The following PDK1 variants were observed in gnomAD, a reference collection of about 807,000 sequenced individuals.
PDK1 encodes [Pyruvate dehydrogenase (acetyl-transferring)] kinase isozyme 1, mitochondrial.
PDK1 carries 39 observed loss-of-function variants against 54.2 expected under a neutral mutation model. The ratio of observed to expected loss-of-function variants is 0.72; its 90% CI spans 0.56 to 0.94. PDK1 has a LOEUF of 0.94. PDK1 is among the 40% of genes least tolerant of loss of function. The probability of loss-of-function intolerance (pLI) is 0.00; values close to 1 mark genes in which losing one functional copy is unlikely to be tolerated. For synonymous variants in PDK1, 221 were observed against 207.1 expected (o/e 1.07, Z -0.58); for missense variants, 552 against 566.0 (o/e 0.98, Z 0.25).
At chr2:172,695,802 A>C in the PDK1 span, among the ~76,000 whole-genome samples, 1 of 152,162 alleles carries the variant, frequency 6.6e-6, no homozygotes, top group Non-Finnish European at 1.5e-5. Flanking sequence ...GTTGCTGAAG[A>C]TGTCCTCCAG....
the PDK1 span, among the ~76,000 whole-genome samples, chr2:172,655,513 G>GT: frequency 6.6e-6 from 1 of 152,048 alleles, no homozygotes; most frequent in Admixed American, 6.5e-5. Flanking sequence ...TTCTTTTCAC[G>GT]TAAGAAGGTG....
chr2:172,591,302 G>T (rs530723041), intron 9 of PDK1, among the ~76,000 whole-genome samples: 56 of 152,306 alleles, frequency 3.7e-4, no homozygotes, highest in African/African-American at 1.3e-3. Context: ...GAAAGGTGTT[G>T]TCTGATTTCG....
chr2:172,559,136 A>T (rs28653613), intron 2 of PDK1, among the ~76,000 whole-genome samples: 1,541 of 152,174 alleles, frequency 0.01, 36 homozygotes, highest in African/African-American at 0.035. Flanking sequence ...TTTAGTAGAG[A>T]CAGGGTTTCA....
At chr2:172,571,823 CTTTTTTTTTTTTTT>C (rs36031428) in intron 8 of PDK1, among the ~76,000 whole-genome samples, 2 of 99,784 alleles carry the variant, frequency 2.0e-5, no homozygotes, top group Non-Finnish European at 4.1e-5. Context: ...TCTTTCTTTA[CTTTTTTTTTTTTTT>C]TTTTTTTTTT....
chr2:172,644,775 A>G, the PDK1 span, among the ~76,000 whole-genome samples: 1 of 152,228 alleles, frequency 6.6e-6, no homozygotes, highest in African/African-American at 2.4e-5. Flanking sequence ...GAATTTTAAT[A>G]ACTTTTCATC....
intron 8 of PDK1, among the ~76,000 whole-genome samples, chr2:172,579,225 G>C (rs866976797): frequency 6.6e-6 from 1 of 152,072 alleles, no homozygotes; most frequent in Non-Finnish European, 1.5e-5. Flanking sequence ...AATTGTTTTT[G>C]ACAGATGTTT....
At position 172,583,584 on chromosome 2, in the gene PDK1, C is replaced by T. The variant is rs142176193; in HGVS notation, c.946-2694C>T. On this transcript the variant is annotated intron_variant, in intron 8 of 10. Transcript: ENST00000282077. ...CTGGGTTTATAGGTGTAAGCCACCA[C>T]ACCCAGCCACAAGTTCCTAATAAAG... 1.3e-3 allele frequency among the ~76,000 whole-genome samples: 193 copies of T among 152,132 alleles called. 1 individual carries two copies. Among genetic ancestry groups the T allele is most frequent in the African/African-American group, 4.4e-3 (181 of 41,518 alleles).
the PDK1 span, among the ~76,000 whole-genome samples, chr2:172,628,761 C>T: frequency 2.0e-5 from 3 of 152,138 alleles, no homozygotes; most frequent in South Asian, 4.1e-4. Context: ...CCATAGTATA[C>T]CTCCATCAGA....
chr2:172,555,848 G>A (rs1037333458), upstream of PDK1: 2 of 277,054 alleles, frequency 7.2e-6, no homozygotes, highest in African/African-American at 2.2e-5. Context: ...CGCCGGCTGG[G>A]GCGGGATCTG....
the PDK1 span, among the ~76,000 whole-genome samples, chr2:172,710,512 C>T: frequency 6.6e-6 from 1 of 152,096 alleles, no homozygotes; most frequent in East Asian, 1.9e-4. Flanking sequence ...TATACATATA[C>T]AAAGTTTTAA....
chr2:172,703,089 C>G, the PDK1 span, among the ~76,000 whole-genome samples: 1 of 152,120 alleles, frequency 6.6e-6, no homozygotes, highest in Non-Finnish European at 1.5e-5. Flanking sequence ...CCCAAGCATC[C>G]TTATGAGAGA....
At chr2:172,594,165 A>C (rs1256183759) in intron 10 of PDK1, among the ~76,000 whole-genome samples, 2 of 151,398 alleles carry the variant, frequency 1.3e-5, no homozygotes, top group Admixed American at 6.6e-5. Flanking sequence ...AGCCTTCCGA[A>C]TAGCTGGGAT....
chr2:172,674,918 T>G, the PDK1 span: 1 of 152,288 alleles, frequency 6.6e-6, no homozygotes, highest in East Asian at 1.9e-4. Context: ...CCCAGTTCCA[T>G]TTTTCCAACA....
chr2:172,588,783 G>A (rs1690404187), intron 9 of PDK1, among the ~76,000 whole-genome samples: 1 of 152,200 alleles, frequency 6.6e-6, no homozygotes, highest in African/African-American at 2.4e-5. Context: ...ATACCTTCTT[G>A]TGGGTCTTTG....
intron 1 of PDK1, chr2:172,556,720 GTGA>G (rs1224032373): frequency 5.2e-6 from 1 of 191,560 alleles, no homozygotes. Flanking sequence ...ATTCCGTGCA[GTGA>G]TGATGAATGC....
chr2:172,612,286 C>T (rs892270958), downstream of PDK1, among the ~76,000 whole-genome samples: 3 of 152,334 alleles, frequency 2.0e-5, no homozygotes, highest in Admixed American at 6.5e-5. Flanking sequence ...AAAGCTGAAA[C>T]TCTTAAGAGC....
At chr2:172,590,905 T>C (rs921673001) in intron 9 of PDK1, among the ~76,000 whole-genome samples, 1 of 152,134 alleles carries the variant, frequency 6.6e-6, no homozygotes, top group Non-Finnish European at 1.5e-5. Context: ...GAAGCCCAAC[T>C]GGCTTCACCT....
rs561135196 is a variant in PDK1, at chr2:172,601,842, G to C, written c.*5873G>C. ...AAAAGGCCCAAATAAACAGTATTTAGATTTTTTTTTAAAGGACATAACTAC... is the reference window on the plus strand; with the variant it reads ...AAAAGGCCCAAATAAACAGTATTTACATTTTTTTTTAAAGGACATAACTAC... On this transcript the variant is annotated 3_prime_UTR_variant, in exon 11 of 11. Coordinates refer to ENST00000282077, the MANE Select transcript of PDK1 (RefSeq NM_002610.5). 1.1e-4 allele frequency: 16 copies of C among 152,030 alleles called. No homozygotes were observed. Among genetic ancestry groups the C allele is most frequent in the African/African-American group, 3.9e-4 (16 of 41,382 alleles). The allele number at this position is 152,030 out of a possible 1,614,324, so 9.4% of individuals were successfully genotyped here.
the PDK1 span, among the ~76,000 whole-genome samples, chr2:172,622,019 CAT>C: frequency 6.8e-6 from 1 of 147,914 alleles, no homozygotes; most frequent in Non-Finnish European, 1.5e-5. Context: ...GATGCATGTT[CAT>C]ATCTCGTATA....
Sources: gnomAD v4.1 joint callset for allele counts (sites outside exome capture counted in the v4.1 genomes callset) on GRCh38, gnomAD v4.1.1 for gene constraint, MANE v1.5 for transcripts, NCBI Gene and HGNC (gene_info 2026-07-23, HGNC 2026-07-21) for gene names.